Variants in RTTN observed in about 807,000 individuals in gnomAD.
RTTN encodes rotatin.
Under a neutral mutation model 269.2 loss-of-function variants are expected in RTTN, and 182 were observed. The ratio of observed to expected loss-of-function variants is 0.68; its 90% confidence interval spans 0.60 to 0.76. The LOEUF is 0.76. Ranked by LOEUF, RTTN falls within the 30% of genes least tolerant of loss-of-function variation. RTTN has a pLI of 0.00. For synonymous variants in RTTN, 1,006 were observed against 963.5 expected (o/e 1.04, Z -0.82); for missense variants, 2,545 against 2,608.6 (o/e 0.98, Z 0.53).
Position 70,073,398 on chromosome 18 carries a change from T to C in RTTN, c.4653+508A>G, listed in dbSNP as rs1214240650. Among the ~76,000 whole-genome samples the C allele has an allele frequency of 2.0e-5, 3 of 152,176 alleles. No individual in the cohort carries two copies. The East Asian group carries it at 5.8e-4, about 29-fold the overall frequency. On this transcript the variant is annotated intron_variant, in intron 34 of 48. Transcript: ENST00000640769. ...TGATGCAAGTATTTAGAAGTGTGTT[T>C]AAAGCTGTCAGCACCACACTAGAAT...
intron 43 of RTTN, among the ~76,000 whole-genome samples, chr18:70,027,116 C>G (rs1291580568): frequency 3.9e-5 from 6 of 152,194 alleles, no homozygotes; most frequent in African/African-American, 1.4e-4. Flanking sequence ...GTGTCATCAT[C>G]TCTTGTCTGG....
At chr18:70,106,470 A>G (rs1053815144) in intron 28 of RTTN, among the ~76,000 whole-genome samples, 1 of 152,256 alleles carries the variant, frequency 6.6e-6, no homozygotes, top group Non-Finnish European at 1.5e-5. Context: ...CCTTGGAAGA[A>G]TAAGAAAAGG....
At chr18:70,072,127 G>C (rs2058311998) in intron 34 of RTTN, among the ~76,000 whole-genome samples, 1 of 152,008 alleles carries the variant, frequency 6.6e-6, no homozygotes, top group African/African-American at 2.4e-5. Flanking sequence ...ATCATCTTGG[G>C]TATGGTAAAG....
chr18:70,030,864 C>A lies in RTTN; in HGVS notation c.5647+12G>T. ...AATGCCATCAAAACAGCTGATGTGT[C>A]ATGTGGCTCACCTTTCAAAGCATGT... is the stretch of plus-strand genomic sequence containing the variant. On this transcript the variant is annotated intron_variant, in intron 41 of 48. Transcript: ENST00000640769. 1.3e-6 allele frequency: 2 copies of A among 1,593,366 alleles called. No individual in the cohort carries two copies. The highest frequency in any genetic ancestry group is 2.2e-5 in the South Asian group (2 of 89,240).
chr18:70,072,173 T>A lies in RTTN; in HGVS notation c.4653+1733A>T, dbSNP rs75466463. ...TAGTAGAATTAGGGTACGAAGACTATTTTTGTAACTAAAAGTCACCCATTC... is the reference window on the plus strand; with the variant it reads ...TAGTAGAATTAGGGTACGAAGACTAATTTTGTAACTAAAAGTCACCCATTC... On this transcript the variant is annotated intron_variant, in intron 34 of 48. Transcript: ENST00000640769. 1.9e-3 allele frequency among the ~76,000 whole-genome samples: 289 copies of A among 152,210 alleles called. 1 individual carries two copies. Among genetic ancestry groups the A allele is most frequent in the Non-Finnish European group, 3.6e-3 (242 of 67,976 alleles).
intron 46 of RTTN, among the ~76,000 whole-genome samples, chr18:70,015,139 C>T (rs188093425): frequency 2.7e-4 from 41 of 151,186 alleles, no homozygotes; most frequent in Admixed American, 2.3e-3. Context: ...AGTGCAGTGG[C>T]GCGATCTTGG....
intron 29 of RTTN, among the ~76,000 whole-genome samples, 159 bp from the exon 30 acceptor site, chr18:70,092,379 T>C (rs1417239003): frequency 6.7e-6 from 1 of 150,126 alleles, no homozygotes; most frequent in Non-Finnish European, 1.5e-5. Flanking sequence ...CAAAAAAATT[T>C]GTTTCTCTTT....
intron 19 of RTTN, 105 bp downstream of exon 19, chr18:70,142,183 G>C: frequency 1.4e-6 from 1 of 699,336 alleles, no homozygotes; most frequent in Non-Finnish European, 2.4e-6. Flanking sequence ...GCCACAGGCT[G>C]GATCTGGCGC....
chr18:70,163,316 A>T (rs2060898206), intron 14 of RTTN, among the ~76,000 whole-genome samples: 1 of 151,668 alleles, frequency 6.6e-6, no homozygotes, highest in South Asian at 2.1e-4. Flanking sequence ...CGGGAGGCAG[A>T]GGTTGCTGTG....
intron 41 of RTTN, among the ~76,000 whole-genome samples, 185 bp downstream of exon 41, chr18:70,030,691 T>C (rs1268068906): frequency 2.0e-5 from 3 of 152,250 alleles, no homozygotes; most frequent in African/African-American, 7.2e-5. Flanking sequence ...CTATGTCTAA[T>C]CTTTTTATTT....
At chr18:70,115,383 C>CT (rs1439532821) in intron 26 of RTTN, among the ~76,000 whole-genome samples, 2 of 149,186 alleles carry the variant, frequency 1.3e-5, no homozygotes, top group African/African-American at 4.9e-5. Context: ...CTTTTCCCAA[C>CT]TAAAAAAAAA....
At chr18:70,058,444 G>C (rs2057881182) in intron 36 of RTTN, among the ~76,000 whole-genome samples, 1 of 152,158 alleles carries the variant, frequency 6.6e-6, no homozygotes, top group South Asian at 2.1e-4. Flanking sequence ...CTTGAACCCA[G>C]GAGGCGGAGG....
intron 21 of RTTN, among the ~76,000 whole-genome samples, chr18:70,137,867 G>GGTC (rs2060161070): frequency 6.6e-6 from 1 of 152,094 alleles, no homozygotes; most frequent in South Asian, 2.1e-4. Context: ...GCTCCATGAG[G>GGTC]GTCATTTACC....
At chr18:70,139,092 G>GT in intron 21 of RTTN, 1 of 151,994 alleles carries the variant, frequency 6.6e-6, no homozygotes, top group Middle Eastern at 3.4e-3. Context: ...ATTAAAATGG[G>GT]TTTTTAAAAA....
At chr18:70,171,645 C>A (rs1017141385) in intron 11 of RTTN, among the ~76,000 whole-genome samples, 1 of 152,140 alleles carries the variant, frequency 6.6e-6, no homozygotes, top group African/African-American at 2.4e-5. Context: ...GCCATCAGAA[C>A]TAAAAGTGAA....
chr18:70,188,847 T>C (rs1366188973), intron 9 of RTTN, among the ~76,000 whole-genome samples: 1 of 126,524 alleles, frequency 7.9e-6, no homozygotes, highest in African/African-American at 2.5e-5. Flanking sequence ...GAGACGAACA[T>C]TCACACGAGA....
At chr18:70,129,903 T>C (rs1340133450) in intron 23 of RTTN, 1 of 147,506 alleles carries the variant, frequency 6.8e-6, no homozygotes, top group Non-Finnish European at 1.5e-5. Flanking sequence ...CATCAAAATA[T>C]ATAAGGAACT....
At position 70,166,080 on chromosome 18, in the gene RTTN, G is replaced by A. The variant is rs1322563884; in HGVS notation, c.1911C>T (p.Cys637=). 10 of 1,613,746 alleles carry A rather than the reference G, an allele frequency of 6.2e-6. No homozygotes were observed. The South Asian group carries it at 9.9e-5, about 16-fold the overall frequency. The change falls in exon 14 of 49, where the codon TGC becomes TGT. Residue 637 remains cysteine (C), a synonymous_variant. Transcript: ENST00000640769. ...ACCTCACCTTCGTGATTTCCAGACA[G>A]CAGTGGTAAGTTTCAGCTTTCACTC... ...LPRVKAETYH[C]CLEITKECLG...
At chr18:70,009,732 A>G (rs2145451059) in intron 46 of RTTN, among the ~76,000 whole-genome samples, 1 of 152,334 alleles carries the variant, frequency 6.6e-6, no homozygotes, top group East Asian at 1.9e-4. Context: ...ATGTAACAAT[A>G]TTAACCTTAA....
Sources: gnomAD v4.1 joint callset for allele counts (sites outside exome capture counted in the v4.1 genomes callset) on GRCh38, gnomAD v4.1.1 for gene constraint, MANE v1.5 for transcripts, NCBI Gene and HGNC (gene_info 2026-07-23, HGNC 2026-07-21) for gene names.